PTPN3: variants seen among roughly 807,000 people sequenced by gnomAD.
The protein encoded by PTPN3 is protein tyrosine phosphatase non-receptor type 3.
A neutral mutation model predicts 132.7 loss-of-function variants in PTPN3; 96 were observed. The ratio of observed to expected loss-of-function variants is 0.72; its 90% CI spans 0.61 to 0.86. The LOEUF is 0.86. Ranked by LOEUF, PTPN3 falls within the 40% of genes least tolerant of loss-of-function variation. The pLI is 0.00. For missense variants in PTPN3, 1,125 were observed against 1,159.6 expected (o/e 0.97, Z 0.43); for synonymous variants, 398 against 429.0 (o/e 0.93, Z 0.89).
Position 109,438,111 on chromosome 9 carries a change from C to T in PTPN3, c.587+3G>A. ...CAAAGTAGGCCACCCCAGCCCCCCT[C>T]ACCTGTGCTGCTCATGCAGAGATTC... is the stretch of plus-strand genomic sequence containing the variant. On this transcript the variant is annotated splice_donor_region_variant and intron_variant, in intron 8 of 25. Coordinates refer to ENST00000374541, the MANE Select transcript of PTPN3 (RefSeq NM_002829.4). 1 of 1,613,282 alleles carries T rather than the reference C, an allele frequency of 6.2e-7. No individual in the cohort carries two copies. Among genetic ancestry groups the T allele is most frequent in the South Asian group, 1.1e-5 (1 of 90,770 alleles).
chr9:109,521,307 C>T, the PTPN3 span, among the ~76,000 whole-genome samples: 1 of 151,894 alleles, frequency 6.6e-6, no homozygotes, highest in Non-Finnish European at 1.5e-5. Flanking sequence ...CACAGGTGCG[C>T]ACCCCCACAC....
chr9:109,407,397 T>C (rs370019556), intron 17 of PTPN3, among the ~76,000 whole-genome samples: 7 of 151,996 alleles, frequency 4.6e-5, no homozygotes, highest in East Asian at 1.9e-4. Context: ...AAAAGAAAAA[T>C]AGGTTAACTA....
At chr9:109,417,760 GACAT>G in intron 14 of PTPN3, 2 of 985,316 alleles carry the variant, frequency 2.0e-6, no homozygotes, top group Non-Finnish European at 2.4e-6. Flanking sequence ...TTGACCCCCT[GACAT>G]GTCTATTGTC....
In PTPN3 at chr9:109,420,490, T is replaced by C; in HGVS notation, c.1247A>G (p.Tyr416Cys). 1.2e-6 allele frequency: 2 copies of C among 1,613,758 alleles called. No homozygotes were observed. The highest frequency in any genetic ancestry group is 1.1e-5 in the South Asian group (1 of 91,062). Residue 416 changes from tyrosine (Y) to cysteine (C), a missense_variant, in exon 14 of 26, where the codon TAC (tyrosine) becomes TGC (cysteine). Tyr to Cys is a radical substitution (Grantham distance 194, BLOSUM62 -2). Transcript: ENST00000374541. ...GTCTTGAGGGGCCAGAGAGCCCTTG[T>C]ACGTGTAAAATACATCTTCCGTTTC... ...ITETEDVFYT[Y>C]KGSLAPQDSD...
upstream of PTPN3, among the ~76,000 whole-genome samples, chr9:109,500,976 A>T (rs1847858053): frequency 6.6e-6 from 1 of 152,122 alleles, no homozygotes; most frequent in Non-Finnish European, 1.5e-5. Flanking sequence ...TTGTATAAAC[A>T]TGGTGTTGAC....
At chr9:109,442,337 C>T (rs1004341757) in intron 7 of PTPN3, among the ~76,000 whole-genome samples, 6 of 152,330 alleles carry the variant, frequency 3.9e-5, no homozygotes, top group East Asian at 3.9e-4. Flanking sequence ...CGTGAACCAC[C>T]GTGCCTGGCA....
chr9:109,385,121 G>C (rs1425778529), intron 22 of PTPN3, among the ~76,000 whole-genome samples: 1 of 152,184 alleles, frequency 6.6e-6, no homozygotes, highest in Non-Finnish European at 1.5e-5. Flanking sequence ...TATCTGTACT[G>C]CCAGAGAGAC....
At chr9:109,425,875 G>A (rs757850976) in intron 12 of PTPN3, among the ~76,000 whole-genome samples, 18 of 151,854 alleles carry the variant, frequency 1.2e-4, no homozygotes, top group Non-Finnish European at 2.1e-4. Flanking sequence ...TTAGCCAGGC[G>A]TGGTGGTGTG....
chr9:109,393,373 GTTTTTTTTGTCT>G (rs1840291845), intron 19 of PTPN3, among the ~76,000 whole-genome samples: 1 of 139,924 alleles, frequency 7.1e-6, no homozygotes, highest in African/African-American at 2.6e-5. Context: ...ATTTTTAATG[GTTTTTTTTGTCT>G]TTTTTTTTTT....
intron 14 of PTPN3, among the ~76,000 whole-genome samples, 166 bp downstream of exon 14, chr9:109,420,258 G>A (rs1842798052): frequency 6.6e-6 from 1 of 152,192 alleles, no homozygotes; most frequent in Admixed American, 6.5e-5. Context: ...TCTTCCGGGT[G>A]AAAAGGTAGA....
chr9:109,457,513 T>G lies in PTPN3; in HGVS notation c.139-114A>C, dbSNP rs887379417. The G allele has an allele frequency of 8.0e-6, 6 of 753,622 alleles. No homozygotes were observed. In the African/African-American group the frequency reaches 1.1e-4, roughly 13 times the overall value. 46.7% of individuals were successfully genotyped at this position (753,622 alleles called of 1,614,324 possible). ...ATTCAGAAATGCTATGCACACACACTTCCCACCACAAGAAAAGCTTTAATA... is the reference window on the plus strand; with the variant it reads ...ATTCAGAAATGCTATGCACACACACGTCCCACCACAAGAAAAGCTTTAATA... On this transcript the variant is annotated intron_variant, in intron 2 of 25. Transcript: ENST00000374541.
chr9:109,446,113 G>A (rs1322730848), intron 6 of PTPN3, among the ~76,000 whole-genome samples: 1 of 152,206 alleles, frequency 6.6e-6, no homozygotes, highest in African/African-American at 2.4e-5. Context: ...ACCTGGAGCA[G>A]GGGTCACTGC....
chr9:109,495,799 C>T (rs988196345), intron 1 of PTPN3, among the ~76,000 whole-genome samples: 9 of 152,200 alleles, frequency 5.9e-5, no homozygotes, highest in Non-Finnish European at 1.0e-4. Context: ...AAAGATGAAT[C>T]GAGGGGTCAG....
chr9:109,505,622 T>G, the PTPN3 span, among the ~76,000 whole-genome samples: 1 of 152,266 alleles, frequency 6.6e-6, no homozygotes, highest in East Asian at 1.9e-4. Flanking sequence ...ACTTCTGTCC[T>G]ATGACCTCCA....
At chr9:109,457,467 T>A (rs1315842442) in intron 2 of PTPN3, 68 bp from the exon 3 acceptor site, 2 of 1,269,920 alleles carry the variant, frequency 1.6e-6, no homozygotes, top group Non-Finnish European at 1.1e-6. Flanking sequence ...ATCTTTACTG[T>A]AGGCAAAAAA....
chr9:109,391,618 G>A, intron 19 of PTPN3, 57 bp from the exon 20 acceptor site: 1 of 1,407,240 alleles, frequency 7.1e-7, no homozygotes, highest in Non-Finnish European at 9.9e-7. Flanking sequence ...AAGAAAGTGT[G>A]AAAACATACT....
At chr9:109,519,431 G>A in the PTPN3 span, among the ~76,000 whole-genome samples, 60 of 152,276 alleles carry the variant, frequency 3.9e-4, no homozygotes, top group African/African-American at 1.1e-3. Flanking sequence ...GACTTAGTAC[G>A]TTTTCAACTT....
chr9:109,383,371 G>A (rs796495932), intron 23 of PTPN3, 52 bp downstream of exon 23: 2 of 1,613,420 alleles, frequency 1.2e-6, no homozygotes, highest in African/African-American at 2.7e-5. Flanking sequence ...GATGACAGTG[G>A]CCGCTGATTC....
At chr9:109,412,421 T>A (rs1283305811) in intron 14 of PTPN3, among the ~76,000 whole-genome samples, 1 of 151,952 alleles carries the variant, frequency 6.6e-6, no homozygotes. Context: ...GTTGCTAGGC[T>A]GGAATGCAGT....
Sources: allele counts gnomAD v4.1 joint callset (sites outside exome capture counted in the v4.1 genomes callset), GRCh38; gene constraint gnomAD v4.1.1; transcripts MANE v1.5; gene names NCBI Gene and HGNC (gene_info 2026-07-23, HGNC 2026-07-21).